Variants in OR6N1 observed in about 807,000 individuals in gnomAD.
OR6N1 encodes olfactory receptor 6N1.
For missense variants in OR6N1, 394 were observed against 371.7 expected (o/e 1.06, Z -0.49); for synonymous variants, 170 against 150.7 (o/e 1.13, Z -0.94).
the OR6N1 span, among the ~76,000 whole-genome samples, chr1:158,822,430 C>T: frequency 6.6e-6 from 1 of 152,072 alleles, no homozygotes; most frequent in Non-Finnish European, 1.5e-5. Flanking sequence ...CCCTGGTTCA[C>T]TGTATTTCTA....
At chr1:158,834,933 A>G in the OR6N1 span, among the ~76,000 whole-genome samples, 1 of 152,168 alleles carries the variant, frequency 6.6e-6, no homozygotes, top group Non-Finnish European at 1.5e-5. Flanking sequence ...CATATTTCTC[A>G]GGGTTTATTT....
the OR6N1 span, among the ~76,000 whole-genome samples, chr1:158,784,652 T>G: frequency 6.6e-6 from 1 of 152,202 alleles, no homozygotes; most frequent in African/African-American, 2.4e-5. Flanking sequence ...AGATTTCACA[T>G]ACGAATAATA....
At chr1:158,826,423 G>C in the OR6N1 span, among the ~76,000 whole-genome samples, 1 of 152,122 alleles carries the variant, frequency 6.6e-6, no homozygotes, top group African/African-American at 2.4e-5. Flanking sequence ...ATTCAATTTA[G>C]GTGAATTTTC....
the OR6N1 span, among the ~76,000 whole-genome samples, chr1:158,821,792 A>T: frequency 6.6e-6 from 1 of 152,122 alleles, no homozygotes; most frequent in African/African-American, 2.4e-5. Context: ...CCTTTGGGTA[A>T]ATACCACAGA....
chr1:158,769,570 A>G (rs1657364308), intron 1 of OR6N1, among the ~76,000 whole-genome samples: 1 of 152,226 alleles, frequency 6.6e-6, no homozygotes, highest in Non-Finnish European at 1.5e-5. Context: ...GCAAAGGCAG[A>G]GAGTTATGAA....
At chr1:158,783,032 G>A in the OR6N1 span, among the ~76,000 whole-genome samples, 23 of 152,090 alleles carry the variant, frequency 1.5e-4, no homozygotes, top group Non-Finnish European at 2.6e-4. Context: ...AATTGACAAC[G>A]TTCCCTATTA....
the OR6N1 span, among the ~76,000 whole-genome samples, chr1:158,793,327 T>C: frequency 4.9e-4 from 75 of 152,316 alleles, 1 homozygote; most frequent in African/African-American, 1.3e-3. Context: ...TGTTATCTTT[T>C]GTGAGTTTCA....
chr1:158,819,539 G>A, the OR6N1 span, among the ~76,000 whole-genome samples: 2 of 152,084 alleles, frequency 1.3e-5, no homozygotes, highest in Non-Finnish European at 1.5e-5. Flanking sequence ...AGAGAAGCAG[G>A]TCAAGTTAGT....
At chr1:158,793,029 A>G in the OR6N1 span, among the ~76,000 whole-genome samples, 1 of 151,930 alleles carries the variant, frequency 6.6e-6, no homozygotes, top group African/African-American at 2.4e-5. Context: ...TTGAGCTCTG[A>G]AATTCTTTTT....
the OR6N1 span, among the ~76,000 whole-genome samples, chr1:158,782,864 T>C: frequency 6.6e-6 from 1 of 152,198 alleles, no homozygotes; most frequent in South Asian, 2.1e-4. Flanking sequence ...CTGATGTTGG[T>C]ATTCTTTGAG....
the OR6N1 span, chr1:158,777,744 T>C: frequency 2.1e-5 from 14 of 672,714 alleles, no homozygotes; most frequent in Non-Finnish European, 3.6e-5. Flanking sequence ...AAAGTAGCAC[T>C]GAAATTACTA....
chr1:158,783,943 A>G, the OR6N1 span, among the ~76,000 whole-genome samples: 1 of 152,086 alleles, frequency 6.6e-6, no homozygotes, highest in Non-Finnish European at 1.5e-5. Flanking sequence ...GGTCTCTACT[A>G]AAAATACAAA....
the OR6N1 span, among the ~76,000 whole-genome samples, chr1:158,803,509 G>A: frequency 6.6e-6 from 1 of 152,274 alleles, no homozygotes; most frequent in South Asian, 2.1e-4. Flanking sequence ...GAATAATTGT[G>A]CTGTACTCAA....
the OR6N1 span, among the ~76,000 whole-genome samples, chr1:158,820,250 G>A: frequency 2.6e-5 from 4 of 152,296 alleles, no homozygotes; most frequent in East Asian, 5.8e-4. Context: ...ACCTTCCAGC[G>A]TGGGCGTCAA....
the OR6N1 span, among the ~76,000 whole-genome samples, chr1:158,827,344 C>G: frequency 6.6e-6 from 1 of 152,098 alleles, no homozygotes; most frequent in African/African-American, 2.4e-5. Context: ...ATTTAGACAC[C>G]AGTGGCTAAA....
At chr1:158,815,974 T>C in the OR6N1 span, among the ~76,000 whole-genome samples, 1 of 151,576 alleles carries the variant, frequency 6.6e-6, no homozygotes, top group Admixed American at 6.6e-5. Context: ...GCTAACATGG[T>C]GAAACTCCAG....
chr1:158,829,425 T>C, the OR6N1 span, among the ~76,000 whole-genome samples: 303 of 152,216 alleles, frequency 2.0e-3, 11 homozygotes, highest in East Asian at 0.055. Context: ...CATCTCTAGG[T>C]CAGGGGCAAA....
the OR6N1 span, among the ~76,000 whole-genome samples, chr1:158,800,936 T>C: frequency 6.6e-6 from 1 of 152,052 alleles, no homozygotes; most frequent in African/African-American, 2.4e-5. Context: ...TTCAGAGAAG[T>C]AGCAACTGGG....
chr1:158,775,895 T>C (rs533608822), upstream of OR6N1: 11 of 152,314 alleles, frequency 7.2e-5, no homozygotes, highest in African/African-American at 2.2e-4. Flanking sequence ...AATTTTGACA[T>C]GTTAAGTTTT....
Sources: gnomAD v4.1 joint callset for allele counts (sites outside exome capture counted in the v4.1 genomes callset) on GRCh38, gnomAD v4.1.1 for gene constraint, MANE v1.5 for transcripts, NCBI Gene and HGNC (gene_info 2026-07-23, HGNC 2026-07-21) for gene names.